The following DMD variants were observed in gnomAD, a reference collection of about 807,000 sequenced individuals.
The protein encoded by DMD is dystrophin, also known as mutant dystrophin.
A neutral mutation model predicts 330.1 loss-of-function variants in DMD; 63 were observed. The observed-to-expected ratio is 0.19, with a 90% confidence interval of 0.16 to 0.24. The LOEUF is 0.24. Among genes scored for constraint, DMD ranks in the 10% least tolerant of loss-of-function variants. The pLI, the probability that DMD is intolerant of heterozygous loss-of-function variation, is 1.00. For synonymous variants in DMD, 1,223 were observed against 959.8 expected (o/e 1.27, Z -5.07); for missense variants, 3,344 against 2,684.1 (o/e 1.25, Z -5.43).
At chrX:32,782,054 G>A (rs1450389838) in intron 7 of DMD, among the ~76,000 whole-genome samples, 8 of 111,605 alleles carry the variant, frequency 7.2e-5, no homozygotes, top group East Asian at 2.8e-4. Flanking sequence ...ATATGAAATA[G>A]TAACATGGTA....
intron 52 of DMD, among the ~76,000 whole-genome samples, chrX:31,719,508 A>G (rs1158971626): frequency 8.9e-6 from 1 of 111,771 alleles, no homozygotes; most frequent in African/African-American, 3.3e-5. Flanking sequence ...TGGACCTGAG[A>G]TAATTATCAT....
intron 44 of DMD, among the ~76,000 whole-genome samples, chrX:32,010,173 G>C (rs1310369724): frequency 1.8e-5 from 2 of 111,801 alleles, no homozygotes; most frequent in Non-Finnish European, 3.8e-5. Context: ...TGAATGAATG[G>C]ATAATGAATG....
intron 7 of DMD, among the ~76,000 whole-genome samples, chrX:32,798,496 A>G (rs111750244): frequency 0.024 from 2,691 of 112,334 alleles, 75 homozygotes; most frequent in African/African-American, 0.081. Flanking sequence ...GGGAAGAGGA[A>G]ATTGCTACAA....
At chrX:31,570,402 T>C (rs2075746356) in intron 55 of DMD, among the ~76,000 whole-genome samples, 2 of 111,324 alleles carry the variant, frequency 1.8e-5, no homozygotes, top group African/African-American at 6.5e-5. Context: ...TCCATTGTTA[T>C]TCCTACTTTT....
At chrX:32,287,762 A>C (rs753104255) in intron 42 of DMD, 61 bp from the exon 43 acceptor site, 2 of 701,956 alleles carry the variant, frequency 2.8e-6, no homozygotes, top group Non-Finnish European at 4.1e-6. Context: ...GAAAGAGAAA[A>C]ATATATATAT....
chrX:31,299,982 C>A (rs980934108), intron 62 of DMD, among the ~76,000 whole-genome samples: 34 of 111,482 alleles, frequency 3.0e-4, no homozygotes, highest in African/African-American at 1.1e-3. Flanking sequence ...TAATTCTATT[C>A]TCTCCAATGG....
At chrX:32,790,339 T>TAC (rs759743717) in intron 7 of DMD, among the ~76,000 whole-genome samples, 13 of 111,635 alleles carry the variant, frequency 1.2e-4, no homozygotes, top group Admixed American at 4.8e-4. Flanking sequence ...TGCACAAAGG[T>TAC]ACACATTCTT....
rs535397626 is a variant in DMD at position 31,845,375 on chromosome X, G to GTCTCTCTCTCTCTCTC, written c.7099-8572_7099-8557dup. Among the ~76,000 whole-genome samples, 442 of 60,081 alleles carry GTCTCTCTCTCTCTCTC rather than the reference G, an allele frequency of 7.4e-3. 27 individuals carry two copies. Among genetic ancestry groups the GTCTCTCTCTCTCTCTC allele is most frequent in the Non-Finnish European group, 9.5e-3 (296 of 31,182 alleles). 52.2% of individuals were successfully genotyped at this position (60,081 alleles called of 115,157 possible). A position where few individuals can be genotyped will look rare whatever the true frequency, so the allele number is the denominator to read the frequency against. On this transcript the variant is annotated intron_variant, in intron 48 of 78. Transcript: ENST00000357033. Reference sequence around the variant, plus strand: ...CAGGTGTTATAGAGGACAGAATAAAGTCTCTCTCTCTCTCTCTCTCTCTCT... The same window carrying GTCTCTCTCTCTCTCTC: ...CAGGTGTTATAGAGGACAGAATAAAGTCTCTCTCTCTCTCTCTCTCTCTCTCTCTCTCTCTCTCTCT...
In DMD at chrX:32,615,560, A is replaced by C. The variant is rs778256125; in HGVS notation, c.1332-1107T>G. The stretch of plus-strand genomic sequence containing the variant: ...AACATCATGTTTAAAGCATTTTTCA[A>C]AACTATATTCTGAACATTGATCTTA... On this transcript the variant is annotated intron_variant, in intron 11 of 78. Transcript: ENST00000357033. Among the ~76,000 whole-genome samples, 3 of 111,904 alleles carry C rather than the reference A, an allele frequency of 2.7e-5. No homozygotes were observed. In the East Asian group the frequency reaches 8.4e-4, roughly 31 times the overall value.
chrX:31,506,534 T>C (rs1205667428), intron 56 of DMD, among the ~76,000 whole-genome samples: 1 of 112,223 alleles, frequency 8.9e-6, no homozygotes, highest in Non-Finnish European at 1.9e-5. Context: ...ACAATGGGCG[T>C]TTTACTTACT....
chrX:31,254,987 G>C (rs1256796753), intron 63 of DMD, among the ~76,000 whole-genome samples: 2 of 105,505 alleles, frequency 1.9e-5, no homozygotes. Context: ...CAAAGCTGCA[G>C]TGAGCCATGA....
chrX:31,817,519 C>A (rs1257787716), intron 50 of DMD, among the ~76,000 whole-genome samples: 3 of 109,995 alleles, frequency 2.7e-5, no homozygotes, highest in African/African-American at 6.6e-5. Flanking sequence ...ACTTAATGCT[C>A]AGATCTGTTT....
intron 7 of DMD, among the ~76,000 whole-genome samples, chrX:32,734,934 G>T (rs1439171309): frequency 9.3e-6 from 1 of 107,522 alleles, no homozygotes; most frequent in African/African-American, 3.5e-5. Context: ...GCAGGAGAAG[G>T]AAATAAAGGG....
intron 28 of DMD, among the ~76,000 whole-genome samples, chrX:32,439,191 A>C (rs1158746420): frequency 8.9e-6 from 1 of 111,820 alleles, no homozygotes; most frequent in Non-Finnish European, 1.9e-5. Flanking sequence ...TCACAAATTT[A>C]TTAAATCTTC....
At chrX:32,425,516 C>T (rs2098208561) in intron 29 of DMD, among the ~76,000 whole-genome samples, 1 of 111,537 alleles carries the variant, frequency 9.0e-6, no homozygotes, top group Admixed American at 9.6e-5. Flanking sequence ...AACAACACAT[C>T]TTTTCTGCCC....
Position 31,722,062 on chromosome X carries a change from T to A in DMD, c.7660+7569A>T, listed in dbSNP as rs1039858595. Among the ~76,000 whole-genome samples the A allele has an allele frequency of 2.7e-5, 3 of 110,851 alleles. No homozygotes were observed. In the Admixed American group the frequency reaches 2.9e-4, roughly 11 times the overall value. On this transcript the variant is annotated intron_variant, in intron 52 of 78. Coordinates refer to ENST00000357033, the MANE Select transcript of DMD (RefSeq NM_004006.3). ...GACAGATATTATGTCATTTATGATG[T>A]TTGTGCACCAAAATTTATTTGATAC...
At chrX:33,178,606 T>A (rs2049804536) in intron 1 of DMD, among the ~76,000 whole-genome samples, 1 of 112,584 alleles carries the variant, frequency 8.9e-6, no homozygotes, top group Non-Finnish European at 1.9e-5. Flanking sequence ...ATATCATTAT[T>A]TTTAAAACAA....
intron 55 of DMD, among the ~76,000 whole-genome samples, chrX:31,612,549 G>C (rs1228883613): frequency 8.9e-6 from 1 of 111,866 alleles, no homozygotes; most frequent in Non-Finnish European, 1.9e-5. Context: ...GACAGGAGGA[G>C]AAGAGAAGAG....
rs770607789 is a variant in DMD, at chrX:31,269,486, C to T, written c.9225-8470G>A. ...ACCTACTTGTTCCCAGTACCACTGT[C>T]TAGAATGGTGCAAGGATTGGAATTG... On this transcript the variant is annotated intron_variant, in intron 62 of 78. Transcript: ENST00000357033. Among the ~76,000 whole-genome samples the T allele has an allele frequency of 7.2e-5, 8 of 111,510 alleles. 1 individual carries two copies. In the South Asian group the frequency reaches 2.3e-3, roughly 32 times the overall value.
Sources: allele counts gnomAD v4.1 joint callset (sites outside exome capture counted in the v4.1 genomes callset), GRCh38; gene constraint gnomAD v4.1.1; transcripts MANE v1.5; gene names NCBI Gene and HGNC (gene_info 2026-07-23, HGNC 2026-07-21).